The following CNTNAP5 variants were observed in gnomAD, a reference collection of about 807,000 sequenced individuals.
The protein encoded by CNTNAP5 is contactin-associated protein-like 5.
In CNTNAP5, 72 loss-of-function variants were observed where a neutral mutation model predicts 150.2. That is an observed-to-expected ratio of 0.48 (90% CI 0.40 to 0.58). CNTNAP5 has a LOEUF of 0.58. Among genes scored for constraint, CNTNAP5 ranks in the 20% least tolerant of loss-of-function variants. CNTNAP5 has a pLI of 0.00. For missense variants in CNTNAP5, 1,636 were observed against 1,626.2 expected, an observed-to-expected ratio of 1.01 and a Z score of -0.10; for synonymous variants, 672 against 619.8, an observed-to-expected ratio of 1.08 and a Z score of -1.25.
At chr2:124,671,074 G>T (rs1410573351) in intron 13 of CNTNAP5, among the ~76,000 whole-genome samples, 2 of 152,054 alleles carry the variant, frequency 1.3e-5, no homozygotes, top group African/African-American at 2.4e-5. Context: ...GTCGCCACGG[G>T]CCTCATTCTT....
intron 13 of CNTNAP5, among the ~76,000 whole-genome samples, chr2:124,710,099 T>G (rs912205110): frequency 3.1e-4 from 47 of 151,194 alleles, no homozygotes; most frequent in African/African-American, 9.6e-4. Flanking sequence ...AGTTTGACAA[T>G]GTTGTGTTTA....
At chr2:124,172,665 T>C (rs1252361889) in intron 1 of CNTNAP5, among the ~76,000 whole-genome samples, 1 of 152,152 alleles carries the variant, frequency 6.6e-6, no homozygotes, top group Admixed American at 6.6e-5. Flanking sequence ...CTGTCCTTCT[T>C]GACCTCCCAA....
chr2:124,380,285 AG>A (rs1558875700), intron 3 of CNTNAP5, among the ~76,000 whole-genome samples: 1 of 152,148 alleles, frequency 6.6e-6, no homozygotes. Flanking sequence ...TTTCCATGAG[AG>A]ATAAGGAAAA....
At chr2:124,546,913 T>C (rs1504010) in intron 10 of CNTNAP5, among the ~76,000 whole-genome samples, 63,255 of 151,992 alleles carry the variant, frequency 0.42, 13,632 homozygotes, top group East Asian at 0.64. Flanking sequence ...GAAGTAATTA[T>C]TGTGATAAGC....
intron 13 of CNTNAP5, among the ~76,000 whole-genome samples, chr2:124,718,839 G>A (rs1679995592): frequency 6.6e-6 from 1 of 152,030 alleles, no homozygotes; most frequent in Admixed American, 6.6e-5. Flanking sequence ...CAGCTACTCG[G>A]GATGCTGAGG....
chr2:124,260,211 C>A (rs1301657973), intron 3 of CNTNAP5, among the ~76,000 whole-genome samples: 2 of 152,104 alleles, frequency 1.3e-5, no homozygotes. Flanking sequence ...AGAAATAATG[C>A]CACATATCTA....
chr2:124,565,962 T>G (rs1696015956), intron 11 of CNTNAP5, among the ~76,000 whole-genome samples: 1 of 151,636 alleles, frequency 6.6e-6, no homozygotes, highest in Non-Finnish European at 1.5e-5. Flanking sequence ...CTTTTTTTTT[T>G]TTTGCAGATC....
chr2:124,733,094 A>G (rs1460405586), intron 13 of CNTNAP5, among the ~76,000 whole-genome samples: 1 of 152,146 alleles, frequency 6.6e-6, no homozygotes, highest in Admixed American at 6.6e-5. Context: ...CTTATTTAAG[A>G]AAAGATTAGG....
intron 3 of CNTNAP5, among the ~76,000 whole-genome samples, chr2:124,252,462 C>CA (rs1354283215): frequency 6.6e-6 from 1 of 152,158 alleles, no homozygotes; most frequent in African/African-American, 2.4e-5. Context: ...CCCTGCCCAG[C>CA]AGAGTCCAGG....
intron 3 of CNTNAP5, among the ~76,000 whole-genome samples, chr2:124,377,238 T>C (rs906570462): frequency 6.6e-6 from 1 of 152,128 alleles, no homozygotes; most frequent in Non-Finnish European, 1.5e-5. Flanking sequence ...GAATACATTA[T>C]TTTTGCTTTA....
chr2:124,352,184 TAA>T (rs150457222), intron 3 of CNTNAP5, among the ~76,000 whole-genome samples: 5,405 of 152,160 alleles, frequency 0.036, 334 homozygotes, highest in African/African-American at 0.12. Flanking sequence ...CCATCTAAAA[TAA>T]ACATTATTTG....
intron 13 of CNTNAP5, among the ~76,000 whole-genome samples, chr2:124,713,312 T>TTC (rs1679866413): frequency 1.9e-5 from 2 of 103,382 alleles, no homozygotes; most frequent in African/African-American, 3.2e-5. Flanking sequence ...TTCTTTCTCT[T>TTC]TCTTTCCTTT....
At chr2:124,597,529 C>T (rs1210715294) in intron 11 of CNTNAP5, among the ~76,000 whole-genome samples, 4 of 151,038 alleles carry the variant, frequency 2.6e-5, no homozygotes, top group East Asian at 4.0e-4. Flanking sequence ...GTCTGATGGG[C>T]TTCCCTTTGA....
chr2:124,420,741 T>G (rs989564529), intron 4 of CNTNAP5, among the ~76,000 whole-genome samples: 3 of 152,176 alleles, frequency 2.0e-5, no homozygotes, highest in Non-Finnish European at 4.4e-5. Context: ...TTCAGATCCT[T>G]CCTGAGAGTT....
At chr2:124,138,862 C>T (rs1356897491) in intron 1 of CNTNAP5, among the ~76,000 whole-genome samples, 1 of 151,508 alleles carries the variant, frequency 6.6e-6, no homozygotes, top group Non-Finnish European at 1.5e-5. Context: ...TATATATCAG[C>T]CCTCTAGATT....
chr2:124,830,530 C>A (rs527438392), intron 19 of CNTNAP5, among the ~76,000 whole-genome samples: 1 of 151,842 alleles, frequency 6.6e-6, no homozygotes, highest in Admixed American at 6.6e-5. Flanking sequence ...AGGAAGAGTG[C>A]GTCCAGGGTC....
intron 6 of CNTNAP5, among the ~76,000 whole-genome samples, chr2:124,464,238 G>C (rs1054992755): frequency 6.6e-6 from 1 of 152,068 alleles, no homozygotes; most frequent in African/African-American, 2.4e-5. Context: ...AAGCAAGGGA[G>C]CGCAGGCACT....
intron 3 of CNTNAP5, among the ~76,000 whole-genome samples, chr2:124,330,933 T>A (rs532767612): frequency 6.6e-6 from 1 of 152,166 alleles, no homozygotes; most frequent in Non-Finnish European, 1.5e-5. Context: ...CTCTCATTAG[T>A]TTAGTTCCTT....
intron 1 of CNTNAP5, among the ~76,000 whole-genome samples, chr2:124,209,356 C>A (rs1483486605): frequency 6.6e-6 from 1 of 152,266 alleles, no homozygotes; most frequent in Admixed American, 6.5e-5. Context: ...AAATGGTCAC[C>A]ATCTTGGCTG....
Sources: gnomAD v4.1 joint callset for allele counts (sites outside exome capture counted in the v4.1 genomes callset) on GRCh38, gnomAD v4.1.1 for gene constraint, MANE v1.5 for transcripts, NCBI Gene and HGNC (gene_info 2026-07-23, HGNC 2026-07-21) for gene names.